PALM2AKAP2: variants seen among roughly 807,000 people sequenced by gnomAD.
The protein encoded by PALM2AKAP2 is PALM2 and AKAP2 fusion, also known as PALM2-AKAP2 fusion protein.
Under a neutral mutation model 71.5 loss-of-function variants are expected in PALM2AKAP2, and 37 were observed. The observed-to-expected ratio is 0.52, with a 90% CI of 0.40 to 0.68. The LOEUF is 0.68. Among genes scored for constraint, PALM2AKAP2 ranks in the 30% least tolerant of loss-of-function variants. PALM2AKAP2 has a pLI of 0.00. For synonymous variants in PALM2AKAP2, 468 were observed against 478.8 expected (o/e 0.98, Z 0.29); for missense variants, 1,224 against 1,191.8 (o/e 1.03, Z -0.40).
intron 1 of PALM2AKAP2, among the ~76,000 whole-genome samples, chr9:109,652,987 A>G (rs1827246620): frequency 6.6e-6 from 1 of 152,254 alleles, no homozygotes; most frequent in South Asian, 2.1e-4. Flanking sequence ...TTAGCATAAA[A>G]AAATCTTTAA....
intron 6 of PALM2AKAP2, among the ~76,000 whole-genome samples, chr9:109,949,210 C>G (rs1460573323): frequency 6.6e-6 from 1 of 152,218 alleles, no homozygotes; most frequent in Non-Finnish European, 1.5e-5. Context: ...GGGAGACAGG[C>G]CACATGGAGC....
intron 3 of PALM2AKAP2, among the ~76,000 whole-genome samples, chr9:109,922,313 T>C (rs935244707): frequency 1.1e-4 from 16 of 150,020 alleles, no homozygotes; most frequent in Non-Finnish European, 3.0e-5. Context: ...TCCCAGCTCC[T>C]TGGGAAGCTG....
At chr9:109,929,233 C>T (rs1831034335) in intron 5 of PALM2AKAP2, among the ~76,000 whole-genome samples, 1 of 150,520 alleles carries the variant, frequency 6.6e-6, no homozygotes, top group East Asian at 2.0e-4. Flanking sequence ...CACATGTGAC[C>T]AGTCCATGAG....
intron 7 of PALM2AKAP2, among the ~76,000 whole-genome samples, chr9:110,017,728 CCTT>C (rs1199324409): frequency 0.048 from 2,125 of 43,846 alleles, 31 homozygotes; most frequent in South Asian, 0.15. Flanking sequence ...ACGGCATATT[CCTT>C]TTTTTTTTTT....
intron 1 of PALM2AKAP2, among the ~76,000 whole-genome samples, chr9:109,686,765 G>T (rs1334222451): frequency 4.6e-5 from 7 of 151,906 alleles, no homozygotes; most frequent in Non-Finnish European, 1.0e-4. Flanking sequence ...CCATGTTGGT[G>T]TGCTGCACCC....
In PALM2AKAP2 at chr9:110,009,496, C is replaced by T. The variant is rs996881494; in HGVS notation, c.497-6458C>T. Among the ~76,000 whole-genome samples the T allele has an allele frequency of 3.3e-5, 5 of 152,036 alleles. No individual in the cohort carries two copies. The East Asian group carries it at 5.8e-4, about 18-fold the overall frequency. On this transcript the variant is annotated intron_variant, in intron 6 of 9. Coordinates refer to the PALM2AKAP2 transcript ENST00000302798. ...TTGGGAGGCCGAGGCGGGTGGATCACGAGGTCAGGAGACCGAGACCATCCT... is the reference window on the plus strand; with the variant it reads ...TTGGGAGGCCGAGGCGGGTGGATCATGAGGTCAGGAGACCGAGACCATCCT...
intron 1 of PALM2AKAP2, among the ~76,000 whole-genome samples, chr9:109,761,079 G>A (rs1353366471): frequency 6.6e-6 from 1 of 152,112 alleles, no homozygotes; most frequent in Non-Finnish European, 1.5e-5. Context: ...CATTTCTTAT[G>A]TTCTTCATCT....
chr9:109,838,587 G>A, intron 1 of PALM2AKAP2, among the ~76,000 whole-genome samples: 1 of 152,146 alleles, frequency 6.6e-6, no homozygotes, highest in Non-Finnish European at 1.5e-5. Context: ...ATGAATCCAG[G>A]AGCTGGTTTT....
At chr9:109,885,322 A>G (rs542930834) in intron 3 of PALM2AKAP2, among the ~76,000 whole-genome samples, 80 of 152,356 alleles carry the variant, frequency 5.3e-4, no homozygotes, top group Admixed American at 2.2e-3. Context: ...GGAAGGATGG[A>G]AAAATGTAAC....
At chr9:110,088,417 G>C (rs1834621075) in intron 1 of PALM2AKAP2, among the ~76,000 whole-genome samples, 1 of 152,174 alleles carries the variant, frequency 6.6e-6, no homozygotes, top group Non-Finnish European at 1.5e-5. Context: ...TTGGCCCAAG[G>C]CCAACCTGAT....
At chr9:109,663,473 C>T (rs1827432382) in intron 1 of PALM2AKAP2, among the ~76,000 whole-genome samples, 1 of 152,202 alleles carries the variant, frequency 6.6e-6, no homozygotes, top group Non-Finnish European at 1.5e-5. Context: ...GCAAGTTGTT[C>T]AGTTTCCATG....
chr9:110,043,716 G>GTTTT (rs61128628), upstream of PALM2AKAP2, among the ~76,000 whole-genome samples: 2,177 of 90,970 alleles, frequency 0.024, 55 homozygotes, highest in African/African-American at 0.038. Context: ...TTTTTTTGGT[G>GTTTT]TTTTTTTTTT....
In PALM2AKAP2 at chr9:109,685,854, G is replaced by A. The variant is rs117248279; in HGVS notation, c.5+44988G>A. ...TTCTCTGTAGCATGCAATGCTGTTC[G>A]ATAGTATTTTACACATAGTAATTTT... is the stretch of plus-strand genomic sequence containing the variant. On this transcript the variant is annotated intron_variant, in intron 1 of 6. Coordinates refer to the PALM2AKAP2 transcript ENST00000374531. 7.2e-5 allele frequency among the ~76,000 whole-genome samples: 11 copies of A among 152,134 alleles called. No homozygotes were observed. In the East Asian group the frequency reaches 1.5e-3, roughly 21 times the overall value.
chr9:110,048,298 G>A (rs559752767), upstream of PALM2AKAP2, among the ~76,000 whole-genome samples: 3 of 152,152 alleles, frequency 2.0e-5, no homozygotes, highest in East Asian at 5.8e-4. Flanking sequence ...TTCCACATAC[G>A]CTCATGCGCA....
At chr9:110,100,711 A>G (rs1367240778) in intron 1 of PALM2AKAP2, among the ~76,000 whole-genome samples, 1 of 152,206 alleles carries the variant, frequency 6.6e-6, no homozygotes, top group Non-Finnish European at 1.5e-5. Flanking sequence ...GATTGTGTTT[A>G]GAATTTGTGT....
intron 1 of PALM2AKAP2, among the ~76,000 whole-genome samples, chr9:110,115,471 T>G (rs1835342474): frequency 1.3e-5 from 2 of 152,234 alleles, no homozygotes; most frequent in African/African-American, 4.8e-5. Flanking sequence ...CTTGGCTGCC[T>G]GCCGTGTCCT....
At chr9:109,905,721 TC>T (rs1289247059) in intron 3 of PALM2AKAP2, among the ~76,000 whole-genome samples, 1 of 152,224 alleles carries the variant, frequency 6.6e-6, no homozygotes, top group Non-Finnish European at 1.5e-5. Context: ...GGCCAGGCTG[TC>T]CTTGGACTTC....
intron 7 of PALM2AKAP2, among the ~76,000 whole-genome samples, chr9:110,027,668 C>T (rs1022629878): frequency 6.6e-6 from 1 of 152,188 alleles, no homozygotes; most frequent in African/African-American, 2.4e-5. Flanking sequence ...AAGGATGTTG[C>T]TTCTCTACAC....
intron 1 of PALM2AKAP2, among the ~76,000 whole-genome samples, chr9:109,855,519 C>T (rs759821873): frequency 6.6e-6 from 1 of 152,216 alleles, no homozygotes. Context: ...GGTCTCTGCC[C>T]TTGGGGAGGG....
Sources: allele counts gnomAD v4.1 joint callset (sites outside exome capture counted in the v4.1 genomes callset), GRCh38; gene constraint gnomAD v4.1.1; transcripts MANE v1.5; gene names NCBI Gene and HGNC (gene_info 2026-07-23, HGNC 2026-07-21).